Variants in DPYD observed in about 807,000 individuals in gnomAD.
DPYD encodes the protein dihydropyrimidine dehydrogenase, also known as dihydropyrimidine dehydrogenase [NADP(+)].
A neutral mutation model predicts 116.2 loss-of-function variants in DPYD; 109 were observed. That is an observed-to-expected ratio of 0.94 (90% confidence interval 0.80 to 1.10). The LOEUF (loss-of-function observed/expected upper bound fraction) is 1.10. Among genes scored for constraint, DPYD ranks in the 50% least tolerant of loss-of-function variants. The probability of loss-of-function intolerance (pLI) is 0.00; values close to 1 mark genes in which losing one functional copy is unlikely to be tolerated. For missense variants in DPYD, 1,302 were observed against 1,254.5 expected (o/e 1.04, Z -0.57); for synonymous variants, 440 against 432.0 (o/e 1.02, Z -0.23).
chr1:97,493,210 C>A (rs1679065467), intron 13 of DPYD, among the ~76,000 whole-genome samples: 1 of 152,110 alleles, frequency 6.6e-6, no homozygotes, highest in Non-Finnish European at 1.5e-5. Context: ...GAATGTAATA[C>A]CAAGTAGGCT....
intron 20 of DPYD, among the ~76,000 whole-genome samples, chr1:97,121,945 G>C (rs996197945): frequency 6.6e-6 from 1 of 152,108 alleles, no homozygotes; most frequent in Non-Finnish European, 1.5e-5. Context: ...TATGATCTAG[G>C]GAAGTTTACA....
intron 8 of DPYD, among the ~76,000 whole-genome samples, chr1:97,614,999 T>C (rs1345767242): frequency 3.3e-5 from 5 of 152,150 alleles, no homozygotes; most frequent in African/African-American, 9.7e-5. Flanking sequence ...TTTTCATATA[T>C]GCCTAAAAGA....
At chr1:97,913,608 T>C (rs1416312277) in intron 1 of DPYD, among the ~76,000 whole-genome samples, 1 of 152,184 alleles carries the variant, frequency 6.6e-6, no homozygotes, top group Non-Finnish European at 1.5e-5. Context: ...CTGGCAATTT[T>C]CACACGACCT....
intron 16 of DPYD, among the ~76,000 whole-genome samples, chr1:97,313,198 C>A (rs1667615403): frequency 6.6e-6 from 1 of 151,858 alleles, no homozygotes; most frequent in Non-Finnish European, 1.5e-5. Flanking sequence ...AGGCATTCAA[C>A]AGTATTGTTG....
At chr1:97,393,664 G>A (rs1375799665) in intron 14 of DPYD, among the ~76,000 whole-genome samples, 5 of 152,154 alleles carry the variant, frequency 3.3e-5, no homozygotes, top group African/African-American at 1.2e-4. Flanking sequence ...TGGTGTATAT[G>A]TTCCACATTT....
chr1:97,534,380 TTA>T (rs1423319633), intron 12 of DPYD, among the ~76,000 whole-genome samples: 1 of 152,114 alleles, frequency 6.6e-6, no homozygotes, highest in Non-Finnish European at 1.5e-5. Context: ...AGGAACTTAC[TTA>T]TGTGTTCTGA....
chr1:97,179,127 T>C (rs1007776663), intron 20 of DPYD, among the ~76,000 whole-genome samples: 5 of 152,170 alleles, frequency 3.3e-5, no homozygotes, highest in Non-Finnish European at 7.3e-5. Context: ...ATAGAAAATA[T>C]TAGCGAGCAC....
At chr1:97,848,084 C>T (rs1024937259) in intron 2 of DPYD, among the ~76,000 whole-genome samples, 11 of 152,144 alleles carry the variant, frequency 7.2e-5, no homozygotes, top group Non-Finnish European at 1.0e-4. Flanking sequence ...ACCCCTCTAA[C>T]GAACAAGAGA....
chr1:97,666,625 C>T (rs981172288), intron 8 of DPYD, among the ~76,000 whole-genome samples: 1 of 152,046 alleles, frequency 6.6e-6, no homozygotes, highest in Non-Finnish European at 1.5e-5. Context: ...ATAACACAAG[C>T]ATGGTATCAG....
chr1:97,342,092 TA>T (rs1252543655), intron 16 of DPYD, among the ~76,000 whole-genome samples: 1 of 152,218 alleles, frequency 6.6e-6, no homozygotes, highest in Non-Finnish European at 1.5e-5. Flanking sequence ...TCAATGAATT[TA>T]TTTCAGAGAA....
intron 20 of DPYD, among the ~76,000 whole-genome samples, chr1:97,166,837 C>T (rs757972325): frequency 2.6e-5 from 4 of 152,002 alleles, no homozygotes; most frequent in Non-Finnish European, 5.9e-5. Context: ...CCAAACTTGC[C>T]AGATGGCCCT....
chr1:97,079,881 T>C (rs1649035995), intron 22 of DPYD, among the ~76,000 whole-genome samples: 1 of 151,776 alleles, frequency 6.6e-6, no homozygotes, highest in Non-Finnish European at 1.5e-5. Context: ...CTCCCTCCCT[T>C]CCTCCCTCCC....
At chr1:97,786,365 C>A (rs756446105) in intron 3 of DPYD, among the ~76,000 whole-genome samples, 1 of 152,140 alleles carries the variant, frequency 6.6e-6, no homozygotes, top group Non-Finnish European at 1.5e-5. Context: ...ACATTTGTGA[C>A]GTGTAATTGG....
At chr1:97,465,931 G>C (rs1478265136) in intron 13 of DPYD, among the ~76,000 whole-genome samples, 1 of 152,076 alleles carries the variant, frequency 6.6e-6, no homozygotes, top group Non-Finnish European at 1.5e-5. Context: ...ACAATGTGGG[G>C]AAACCTTGTC....
chr1:97,524,822 A>T (rs1042386154), intron 12 of DPYD, among the ~76,000 whole-genome samples: 1 of 152,178 alleles, frequency 6.6e-6, no homozygotes, highest in African/African-American at 2.4e-5. Context: ...CTCTGATTAG[A>T]TTGTTGCAAT....
At chr1:97,138,532 T>G (rs1039652388) in intron 20 of DPYD, among the ~76,000 whole-genome samples, 12 of 152,128 alleles carry the variant, frequency 7.9e-5, no homozygotes, top group Non-Finnish European at 1.6e-4. Context: ...TATAATCCGG[T>G]GAGCTTGCGA....
chr1:97,215,753 A>G (rs1446191071), intron 19 of DPYD, among the ~76,000 whole-genome samples: 1 of 152,172 alleles, frequency 6.6e-6, no homozygotes, highest in Non-Finnish European at 1.5e-5. Context: ...GCTTAGGCCC[A>G]TGACACTCCA....
intron 19 of DPYD, among the ~76,000 whole-genome samples, chr1:97,196,364 C>A (rs534884857): frequency 6.6e-6 from 1 of 152,146 alleles, no homozygotes; most frequent in Non-Finnish European, 1.5e-5. Flanking sequence ...AATCCGCCCA[C>A]CTGGCCTCCC....
At chr1:97,609,752 C>T (rs1024100925) in intron 8 of DPYD, among the ~76,000 whole-genome samples, 1 of 151,898 alleles carries the variant, frequency 6.6e-6, no homozygotes, top group African/African-American at 2.4e-5. Context: ...GAAGCTTAAC[C>T]TAGTCTGAAA....
Sources: allele counts gnomAD v4.1 joint callset (sites outside exome capture counted in the v4.1 genomes callset), GRCh38; gene constraint gnomAD v4.1.1; transcripts MANE v1.5; gene names NCBI Gene and HGNC (gene_info 2026-07-23, HGNC 2026-07-21).